Variants in PPFIBP1 observed in about 807,000 individuals in gnomAD.
The protein encoded by PPFIBP1 is PPFIB scaffold protein 1.
PPFIBP1 carries 112 observed loss-of-function variants against 137.8 expected under a neutral mutation model. The ratio of observed to expected loss-of-function variants is 0.81; its 90% CI spans 0.70 to 0.95. The LOEUF (loss-of-function observed/expected upper bound fraction) is 0.95, where lower values mean the gene tolerates loss of function less well. Ranked by LOEUF, PPFIBP1 falls within the 40% of genes least tolerant of loss-of-function variation. PPFIBP1 has a pLI of 0.00. For missense variants in PPFIBP1, 1,083 were observed against 1,196.6 expected, an observed-to-expected ratio of 0.91 and a Z score of 1.40; for synonymous variants, 378 against 417.3, an observed-to-expected ratio of 0.91 and a Z score of 1.15.
intron 1 of PPFIBP1, among the ~76,000 whole-genome samples, chr12:27,544,701 C>T (rs1213221540): frequency 6.6e-6 from 1 of 152,218 alleles, no homozygotes; most frequent in Non-Finnish European, 1.5e-5. Context: ...GATACCATCT[C>T]ACGCCCGTTA....
At chr12:27,628,001 C>T (rs2056971411) in intron 2 of PPFIBP1, among the ~76,000 whole-genome samples, 1 of 152,048 alleles carries the variant, frequency 6.6e-6, no homozygotes, top group African/African-American at 2.4e-5. Context: ...GAGGCTTCTC[C>T]AGTTTGAACT....
At chr12:27,683,906 GC>G (rs2061036567) in intron 24 of PPFIBP1, among the ~76,000 whole-genome samples, 8 of 151,822 alleles carry the variant, frequency 5.3e-5, no homozygotes, top group Admixed American at 5.3e-4. Flanking sequence ...TCCTGCCTCA[GC>G]CTCCCAAGTA....
At chr12:27,532,681 G>A (rs1256851366) in intron 1 of PPFIBP1, among the ~76,000 whole-genome samples, 2 of 152,100 alleles carry the variant, frequency 1.3e-5, no homozygotes, top group African/African-American at 2.4e-5. Flanking sequence ...GTGGGGAGGA[G>A]ATTTTGAGGA....
At position 27,688,992 on chromosome 12, in the gene PPFIBP1, CTTT is replaced by C. The variant is rs35617482; in HGVS notation, c.2497-13_2497-11del. On this transcript the variant is annotated intron_variant, in intron 26 of 29. Transcript: ENST00000228425. ...ATGATTTGTGGTGACTTTTGACAAGCTTTTTTTTTTTTCTTTAAACAGGTTCTA... is the reference window on the plus strand; with the variant it reads ...ATGATTTGTGGTGACTTTTGACAAGCTTTTTTTTTCTTTAAACAGGTTCTA... The C allele has an allele frequency of 7.4e-7, 1 of 1,352,992 alleles. No individual in the cohort carries two copies. The highest frequency in any genetic ancestry group is 2.1e-5 in the Admixed American group (1 of 46,972). 83.8% of individuals were successfully genotyped at this position (1,352,992 alleles called of 1,614,324 possible).
At chr12:27,692,033 T>A in intron 28 of PPFIBP1, 105 bp downstream of exon 28, 2 of 982,940 alleles carry the variant, frequency 2.0e-6, no homozygotes, top group Non-Finnish European at 3.0e-6. Context: ...TTCAAATAAC[T>A]AAAAATACAG....
chr12:27,609,450 C>T (rs1273180645), intron 2 of PPFIBP1, among the ~76,000 whole-genome samples: 5 of 152,200 alleles, frequency 3.3e-5, no homozygotes, highest in African/African-American at 1.2e-4. Context: ...GTCCCATCTC[C>T]TAACATATGT....
chr12:27,665,102 C>T (rs1274662318), intron 12 of PPFIBP1, among the ~76,000 whole-genome samples: 2 of 152,132 alleles, frequency 1.3e-5, no homozygotes, highest in African/African-American at 2.4e-5. Context: ...GCAGGAGAAT[C>T]GCCTGAACCC....
intron 4 of PPFIBP1, among the ~76,000 whole-genome samples, chr12:27,644,632 A>G (rs1282063851): frequency 6.6e-6 from 1 of 152,138 alleles, no homozygotes; most frequent in Non-Finnish European, 1.5e-5. Flanking sequence ...TTTTTATGTT[A>G]GTCCCCAGGA....
chr12:27,652,387 G>C (rs541498572), intron 7 of PPFIBP1, among the ~76,000 whole-genome samples: 1 of 152,278 alleles, frequency 6.6e-6, no homozygotes, highest in East Asian at 1.9e-4. Flanking sequence ...CAGAGACTGA[G>C]TTCCTGCAGG....
In PPFIBP1 at chr12:27,679,608, A is replaced by T. The variant is rs2060762208; in HGVS notation, c.1735A>T (p.Lys579Ter). Reference sequence around the variant, plus strand: ...GCCTCCATCTCCAGATTCCAAAAAGAAATCCAGAGGTATCATGAAACTCTT... The same window carrying T: ...GCCTCCATCTCCAGATTCCAAAAAGTAATCCAGAGGTATCATGAAACTCTT... ...IPPPSPDSKK[K>*]SRGIMKLFGK... is the part of the protein sequence containing the mutation. Residue 579 changes from lysine (K) to a stop codon, truncating the protein, a stop_gained, in exon 20 of 30, where the codon AAA becomes TAA. Transcript: ENST00000228425. LOFTEE classifies it high-confidence loss of function. 1 of 1,613,888 alleles carries T rather than the reference A, an allele frequency of 6.2e-7. No individual in the cohort carries two copies. Among genetic ancestry groups the T allele is most frequent in the Non-Finnish European group, 8.5e-7 (1 of 1,179,868 alleles).
intron 1 of PPFIBP1, among the ~76,000 whole-genome samples, chr12:27,561,346 C>A (rs1592474678): frequency 6.6e-6 from 1 of 152,106 alleles, no homozygotes; most frequent in Non-Finnish European, 1.5e-5. Context: ...ATTATGGCAG[C>A]CTCATTTTCT....
intron 2 of PPFIBP1, among the ~76,000 whole-genome samples, chr12:27,623,983 T>C (rs1208488754): frequency 6.6e-6 from 1 of 152,098 alleles, no homozygotes; most frequent in Non-Finnish European, 1.5e-5. Context: ...ACAATCACTG[T>C]AAAATCAGGG....
rs558806728 is a variant in PPFIBP1, at chr12:27,639,525, C to G, written c.270+4410C>G. Among the ~76,000 whole-genome samples the G allele has an allele frequency of 2.0e-5, 3 of 152,190 alleles. No individual in the cohort carries two copies. The South Asian group carries it at 6.2e-4, about 32-fold the overall frequency. On this transcript the variant is annotated intron_variant, in intron 4 of 29. Transcript: ENST00000228425. ...GTGGTGAAATCCCGAAGGTGTCTGG[C>G]TATTTGGCAGTTTTAATTATGAGGC...
rs1565751277 is a variant in PPFIBP1, at chr12:27,550,993, T to TATATATA, written c.-124+26628_-124+26629insATATATA. ...GCACTAATTTTATATATATATATATTTTTTTTTTTTTAACAAACGTGAAAA... is the reference window on the plus strand; with the variant it reads ...GCACTAATTTTATATATATATATATTATATATATTTTTTTTTTTAACAAACGTGAAAA... On this transcript the variant is annotated intron_variant, in intron 1 of 29. Coordinates refer to ENST00000228425, the MANE Select transcript of PPFIBP1 (RefSeq NM_003622.4). Among the ~76,000 whole-genome samples the TATATATA allele has an allele frequency of 5.4e-3, 507 of 93,976 alleles. 2 individuals are homozygous for TATATATA. The highest frequency in any genetic ancestry group is 6.0e-3 in the Admixed American group (59 of 9,768). 61.7% of individuals were successfully genotyped at this position (93,976 alleles called of 152,430 possible).
In PPFIBP1 at chr12:27,694,167, C is replaced by T. The variant is rs565697433; in HGVS notation, c.*1285C>T. 1 of 143,326 alleles carries T rather than the reference C, an allele frequency of 7.0e-6. No homozygotes were observed. The highest frequency in any genetic ancestry group is 2.4e-4 in the East Asian group (1 of 4,224). The allele number at this position is 143,326 out of a possible 1,614,324, so 8.9% of individuals were successfully genotyped here. A position where few individuals can be genotyped will look rare whatever the true frequency, so the allele number is the denominator to read the frequency against. On this transcript the variant is annotated 3_prime_UTR_variant, in exon 30 of 30. Transcript: ENST00000228425. ...CTCCCACCCCACCCCACCCTTCACA[C>T]CTGGCTGATTTTTCAAAAAGTTTTT...
At chr12:27,538,230 A>T (rs67079938) in intron 1 of PPFIBP1, 1 of 152,124 alleles carries the variant, frequency 6.6e-6, no homozygotes, top group African/African-American at 2.4e-5. Context: ...ACTTAAAAGC[A>T]GTTCATCAGG....
At chr12:27,582,597 G>A (rs2051251962) in intron 2 of PPFIBP1, among the ~76,000 whole-genome samples, 1 of 152,276 alleles carries the variant, frequency 6.6e-6, no homozygotes, top group African/African-American at 2.4e-5. Flanking sequence ...GGTTCCCTGG[G>A]TGTGGTCTGC....
chr12:27,653,789 G>C (rs1473892552), intron 7 of PPFIBP1, among the ~76,000 whole-genome samples: 1 of 151,958 alleles, frequency 6.6e-6, no homozygotes, highest in Non-Finnish European at 1.5e-5. Context: ...TGAGCAAATT[G>C]GTCCTTTAAA....
chr12:27,671,824 C>G (rs2060218066), intron 14 of PPFIBP1, among the ~76,000 whole-genome samples: 1 of 152,200 alleles, frequency 6.6e-6, no homozygotes, highest in Non-Finnish European at 1.5e-5. Flanking sequence ...GTAATCTCAG[C>G]ACTTTGGAAG....
Sources: allele counts gnomAD v4.1 joint callset (sites outside exome capture counted in the v4.1 genomes callset), GRCh38; gene constraint gnomAD v4.1.1; transcripts MANE v1.5; gene names NCBI Gene and HGNC (gene_info 2026-07-23, HGNC 2026-07-21).